Variants in CLCN5 observed in about 807,000 individuals in gnomAD.
CLCN5 encodes the protein Cl-/H+ antiporter 5, also known as H(+)/Cl(-) exchange transporter 5.
In CLCN5, 17 loss-of-function variants were observed where a neutral mutation model predicts 54.0. The observed-to-expected ratio is 0.31, with a 90% CI of 0.22 to 0.47. The LOEUF (loss-of-function observed/expected upper bound fraction) is 0.47. Among genes scored for constraint, CLCN5 ranks in the 20% least tolerant of loss-of-function variants. The probability of loss-of-function intolerance (pLI) is 1.00; values close to 1 mark genes in which losing one functional copy is unlikely to be tolerated. For missense variants in CLCN5, 448 were observed against 646.7 expected, an observed-to-expected ratio of 0.69 and a Z score of 3.33; for synonymous variants, 222 against 233.0, an observed-to-expected ratio of 0.95 and a Z score of 0.43.
intron 3 of CLCN5, among the ~76,000 whole-genome samples, chrX:49,934,639 G>T (rs982395008): frequency 9.0e-6 from 1 of 111,602 alleles, no homozygotes; most frequent in Non-Finnish European, 1.9e-5. Context: ...CTACATCCAG[G>T]AGGAACATAG....
chrX:49,984,318 T>C (rs1557178032), intron 3 of CLCN5, among the ~76,000 whole-genome samples: 1 of 111,996 alleles, frequency 8.9e-6, no homozygotes, highest in East Asian at 2.8e-4. Context: ...CTTGCTAATA[T>C]TGTATTTAGA....
intron 11 of CLCN5, chrX:50,088,404 T>C (rs1262027078): frequency 1.5e-5 from 5 of 325,948 alleles, no homozygotes; most frequent in South Asian, 5.8e-5. Context: ...TCCTTTTTCT[T>C]TGGGAAAGGC....
chrX:50,079,763 A>G (rs1465744147), intron 7 of CLCN5, among the ~76,000 whole-genome samples: 6 of 111,121 alleles, frequency 5.4e-5, no homozygotes, highest in African/African-American at 2.0e-4. Flanking sequence ...AGAACCAGAG[A>G]GCAGAATGGT....
chrX:50,046,101 G>A (rs1321030800), intron 4 of CLCN5, among the ~76,000 whole-genome samples: 2 of 112,346 alleles, frequency 1.8e-5, no homozygotes, highest in African/African-American at 6.5e-5. Context: ...TAGTGTTATA[G>A]TAGTTTGTAA....
At chrX:49,975,976 G>C (rs1300968308) in intron 3 of CLCN5, among the ~76,000 whole-genome samples, 1 of 111,555 alleles carries the variant, frequency 9.0e-6, no homozygotes, top group Non-Finnish European at 1.9e-5. Flanking sequence ...ATTGGCTAGG[G>C]TATCTACTGG....
chrX:50,054,038 G>A (rs1480009738), intron 4 of CLCN5, among the ~76,000 whole-genome samples: 2 of 110,915 alleles, frequency 1.8e-5, no homozygotes, highest in Admixed American at 9.7e-5. Context: ...TTTCAACTGT[G>A]ATCCACTATT....
intron 3 of CLCN5, among the ~76,000 whole-genome samples, chrX:49,941,320 CAAAA>C (rs1411995487): frequency 9.1e-6 from 1 of 109,769 alleles, no homozygotes; most frequent in Non-Finnish European, 1.9e-5. Context: ...GACTCTGTCT[CAAAA>C]AAAAGCACAT....
At chrX:49,961,054 A>G (rs782608125) in intron 3 of CLCN5, among the ~76,000 whole-genome samples, 1 of 111,770 alleles carries the variant, frequency 8.9e-6, no homozygotes, top group East Asian at 2.8e-4. Flanking sequence ...AAAACAGAGG[A>G]GGGAAGACGT....
chrX:50,025,903 ACTT>A (rs1434650303), intron 3 of CLCN5, among the ~76,000 whole-genome samples: 2 of 110,870 alleles, frequency 1.8e-5, no homozygotes, highest in African/African-American at 6.6e-5. Context: ...AAGTTTTATT[ACTT>A]CTTCTCTTCT....
chrX:50,070,217 A>G (rs1033830327), intron 5 of CLCN5, among the ~76,000 whole-genome samples, 187 bp downstream of exon 5: 2 of 112,601 alleles, frequency 1.8e-5, no homozygotes, highest in Non-Finnish European at 3.8e-5. Context: ...TTTTTATTAT[A>G]CTTTAAGTTC....
intron 3 of CLCN5, among the ~76,000 whole-genome samples, chrX:49,980,051 A>G (rs112897991): frequency 0.075 from 8,318 of 111,515 alleles, 757 homozygotes; most frequent in African/African-American, 0.26. Flanking sequence ...CATATTAAAA[A>G]TCTAGTACTG....
At chrX:50,032,163 A>G (rs1328879599) in intron 3 of CLCN5, among the ~76,000 whole-genome samples, 1 of 111,160 alleles carries the variant, frequency 9.0e-6, no homozygotes, top group Non-Finnish European at 1.9e-5. Context: ...TATTGTGAAT[A>G]GTGCCGCAAT....
Position 50,058,095 on chromosome X carries a change from T to G in CLCN5, c.164-11784T>G, listed in dbSNP as rs190759875. ...ATTTTTTGTACATTTGGTTCCAGCC[T>G]TGCAAAAATACAATATATCGCTGTA... On this transcript the variant is annotated intron_variant, in intron 4 of 14. Transcript: ENST00000376091. 4.3e-3 allele frequency among the ~76,000 whole-genome samples: 483 copies of G among 112,042 alleles called. 3 individuals are homozygous for G. Among genetic ancestry groups the G allele is most frequent in the Middle Eastern group, 9.2e-3 (2 of 218 alleles).
At chrX:50,031,621 G>T (rs1931703695) in intron 3 of CLCN5, among the ~76,000 whole-genome samples, 1 of 111,403 alleles carries the variant, frequency 9.0e-6, no homozygotes, top group Admixed American at 9.5e-5. Context: ...AATATGTTAA[G>T]CAGAATCCAG....
At chrX:50,053,019 T>C (rs1932639800) in intron 4 of CLCN5, among the ~76,000 whole-genome samples, 1 of 111,989 alleles carries the variant, frequency 8.9e-6, no homozygotes, top group African/African-American at 3.2e-5. Flanking sequence ...AATTAATTAA[T>C]CTCTAGTTTA....
intron 4 of CLCN5, among the ~76,000 whole-genome samples, chrX:50,063,044 C>T (rs1288540302): frequency 9.1e-6 from 1 of 110,024 alleles, no homozygotes; most frequent in African/African-American, 3.4e-5. Flanking sequence ...TAAATGCGCA[C>T]AAGAGAAAGC....
rs908304656 is a variant in CLCN5, at chrX:50,095,799, C to G, written c.*3580C>G. On this transcript the variant is annotated 3_prime_UTR_variant, in exon 15 of 15. Coordinates refer to ENST00000376091, the MANE Select transcript of CLCN5 (RefSeq NM_001127898.4). Reference sequence around the variant, plus strand: ...TCAAAAACTTAGTGTGCAATAGAGTCCATTATAGAAATTAACCACTGCTAT... The same window carrying G: ...TCAAAAACTTAGTGTGCAATAGAGTGCATTATAGAAATTAACCACTGCTAT... 1 of 112,099 alleles carries G rather than the reference C, an allele frequency of 8.9e-6. No homozygotes were observed. Among genetic ancestry groups the G allele is most frequent in the Non-Finnish European group, 1.9e-5 (1 of 53,249 alleles). The allele number at this position is 112,099 out of a possible 1,213,427, so 9.2% of individuals were successfully genotyped here.
chrX:49,965,432 T>C (rs1272990686), intron 3 of CLCN5, among the ~76,000 whole-genome samples: 1 of 112,086 alleles, frequency 8.9e-6, no homozygotes. Flanking sequence ...CAATTTTTGA[T>C]TGTTGCTAGT....
At chrX:49,989,290 C>T (rs1042752198) in intron 3 of CLCN5, among the ~76,000 whole-genome samples, 2 of 110,515 alleles carry the variant, frequency 1.8e-5, no homozygotes, top group Non-Finnish European at 3.8e-5. Context: ...GTTGCCCAGG[C>T]TCATATTTTT....
Sources: allele counts gnomAD v4.1 joint callset (sites outside exome capture counted in the v4.1 genomes callset), GRCh38; gene constraint gnomAD v4.1.1; transcripts MANE v1.5; gene names NCBI Gene and HGNC (gene_info 2026-07-23, HGNC 2026-07-21).